Variants in POC1B observed in about 807,000 individuals in gnomAD.
The protein encoded by POC1B is POC1 centriolar protein B, also known as POC1 centriolar protein homolog B.
Under a neutral mutation model 60.6 loss-of-function variants are expected in POC1B, and 44 were observed. The ratio of observed to expected loss-of-function variants is 0.73; its 90% CI spans 0.57 to 0.93. The LOEUF (loss-of-function observed/expected upper bound fraction) is 0.93. Ranked by LOEUF, POC1B falls within the 40% of genes least tolerant of loss-of-function variation. POC1B has a pLI of 0.00. For synonymous variants in POC1B, 180 were observed against 198.9 expected, an observed-to-expected ratio of 0.90 and a Z score of 0.80; for missense variants, 555 against 572.3, an observed-to-expected ratio of 0.97 and a Z score of 0.31.
At chr12:89,522,592 TAA>T in intron 2 of POC1B, 1 of 443,068 alleles carries the variant, frequency 2.3e-6, no homozygotes, top group East Asian at 3.6e-5. Context: ...AACTCTTATA[TAA>T]AACAACCAAT....
rs1010399976 is a variant in POC1B, at chr12:89,492,027, A to C, written c.361T>G (p.Ser121Ala). 5 of 1,609,960 alleles carry C rather than the reference A, an allele frequency of 3.1e-6. No individual in the cohort carries two copies. The highest frequency in any genetic ancestry group is 1.6e-4 in the Middle Eastern group (1 of 6,072). Reference sequence around the variant, plus strand: ...CATACTTTTATGGATTTGTCTTCAGAAGCTGTAGCTAGAAACTGGCCATCA... The same window carrying C: ...CATACTTTTATGGATTTGTCTTCAGCAGCTGTAGCTAGAAACTGGCCATCA... The part of the protein sequence containing the change: ...SADGQFLATA[S>A]EDKSIKVWSM... The change falls in exon 4 of 12, where the codon TCT becomes GCT. Residue 121 changes from serine (S) to alanine (A), a missense_variant. By Grantham distance (99) the Ser-to-Ala change is moderately conservative. Transcript: ENST00000313546.
At chr12:89,494,481 C>T (rs1394354563) in intron 3 of POC1B, among the ~76,000 whole-genome samples, 1 of 152,150 alleles carries the variant, frequency 6.6e-6, no homozygotes, top group Non-Finnish European at 1.5e-5. Context: ...GTTTATTTCC[C>T]CTCCCTTTGA....
chr12:89,470,655 T>A (rs10777167), intron 6 of POC1B, among the ~76,000 whole-genome samples, 161 bp from the exon 7 acceptor site: 111,077 of 152,128 alleles, frequency 0.73, 40,689 homozygotes, highest in Middle Eastern at 0.82. Context: ...ATCACATAGC[T>A]CTAAGCTTCC....
At chr12:89,463,240 A>G (rs1882542928) in intron 9 of POC1B, among the ~76,000 whole-genome samples, 1 of 152,234 alleles carries the variant, frequency 6.6e-6, no homozygotes, top group East Asian at 1.9e-4. Flanking sequence ...CCATCAGAAC[A>G]TTATTTTATT....
At chr12:89,441,833 G>GA (rs1235601339) in intron 10 of POC1B, among the ~76,000 whole-genome samples, 1 of 152,208 alleles carries the variant, frequency 6.6e-6, no homozygotes, top group Non-Finnish European at 1.5e-5. Flanking sequence ...CTGAGCTAAA[G>GA]AAAGATGTTC....
chr12:89,498,151 T>C (rs1218805095), intron 2 of POC1B, among the ~76,000 whole-genome samples: 1 of 152,224 alleles, frequency 6.6e-6, no homozygotes, highest in African/African-American at 2.4e-5. Flanking sequence ...AATAATACTT[T>C]TATAGCTGGA....
intron 2 of POC1B, chr12:89,521,381 G>A (rs1870853978): frequency 6.6e-6 from 1 of 152,278 alleles, no homozygotes; most frequent in Non-Finnish European, 1.5e-5. Flanking sequence ...GGGATTACAT[G>A]CGTGAGCCAC....
In POC1B at chr12:89,491,975, T is replaced by C. The variant is rs1001168840; in HGVS notation, c.413A>G (p.Tyr138Cys). Residue 138 changes from tyrosine to cysteine, a missense_variant, in exon 4 of 12, where the codon TAT becomes TGT. Tyr to Cys is a radical substitution (Grantham distance 194). Transcript: ENST00000313546. The stretch of plus-strand genomic sequence containing the variant: ...CCAGTGTGTATGTCGATACAAGGAA[T>C]ACAGGAAGCGCTGGCGATACATGCT... Reference protein sequence around the residue: ...VWSMYRQRFLYSLYRHTHWVR... With the variant: ...VWSMYRQRFLCSLYRHTHWVR... 5 of 1,591,234 alleles carry C rather than the reference T, an allele frequency of 3.1e-6. No homozygotes were observed. The highest frequency in any genetic ancestry group is 4.3e-6 in the Non-Finnish European group (5 of 1,172,622).
At chr12:89,454,641 C>T (rs1882180884) in intron 10 of POC1B, among the ~76,000 whole-genome samples, 1 of 152,164 alleles carries the variant, frequency 6.6e-6, no homozygotes, top group Admixed American at 6.5e-5. Context: ...TACTCAAATG[C>T]CACCCCTGTC....
At chr12:89,440,964 T>C (rs919900186) in intron 10 of POC1B, among the ~76,000 whole-genome samples, 1 of 152,242 alleles carries the variant, frequency 6.6e-6, no homozygotes, top group African/African-American at 2.4e-5. Flanking sequence ...ACCAGGAGAT[T>C]ATATCCTGCA....
intron 9 of POC1B, among the ~76,000 whole-genome samples, chr12:89,463,054 T>A (rs534470970): frequency 6.6e-6 from 1 of 152,268 alleles, no homozygotes; most frequent in South Asian, 2.1e-4. Context: ...ACTTAAAAAC[T>A]TAAATTGATC....
the POC1B span, among the ~76,000 whole-genome samples, chr12:89,408,310 G>C: frequency 0.044 from 6,756 of 152,116 alleles, 422 homozygotes; most frequent in East Asian, 0.12. Flanking sequence ...ATAATCCTGT[G>C]GGTATATACC....
chr12:89,525,534 G>A, intron 1 of POC1B: 1 of 1,300,590 alleles, frequency 7.7e-7, no homozygotes, highest in South Asian at 2.4e-5. Flanking sequence ...GTGCGAGGAT[G>A]CGCCTCGGCT....
intron 4 of POC1B, among the ~76,000 whole-genome samples, chr12:89,481,298 T>C (rs1318257096): frequency 1.3e-5 from 2 of 152,218 alleles, no homozygotes; most frequent in South Asian, 2.1e-4. Flanking sequence ...CATGGGGTAG[T>C]AAAGGTTATC....
chr12:89,427,431 G>A (rs1443948502), intron 10 of POC1B: 1 of 152,190 alleles, frequency 6.6e-6, no homozygotes, highest in East Asian at 1.9e-4. Context: ...AGTGGTTCAT[G>A]CCTGTAATCC....
chr12:89,519,062 T>C (rs945055772), intron 2 of POC1B, among the ~76,000 whole-genome samples: 1 of 152,202 alleles, frequency 6.6e-6, no homozygotes, highest in East Asian at 1.9e-4. Flanking sequence ...TATGAGGATA[T>C]GTGGTTTAGA....
In POC1B at chr12:89,425,258, T is replaced by C; in HGVS notation, c.1235A>G (p.Asp412Gly). 1 of 1,614,132 alleles carries C rather than the reference T, an allele frequency of 6.2e-7. No homozygotes were observed. The highest frequency in any genetic ancestry group is 8.5e-7 in the Non-Finnish European group (1 of 1,180,002). ...ACTTTCACAGGGGAGGTCACTCATG[T>C]CTTCTGTTTTCTTTTTCGTGGTTGT... Reference protein sequence around the residue: ...LPTTTKKKTEDMSDLPCESQR... With the variant: ...LPTTTKKKTEGMSDLPCESQR... Residue 412 changes from aspartate to glycine, a missense_variant, in exon 11 of 12, where the codon GAC becomes GGC. Coordinates refer to ENST00000313546, the MANE Select transcript of POC1B (RefSeq NM_172240.3).
chr12:89,523,473 G>A (rs571369617), intron 2 of POC1B: 10 of 1,613,766 alleles, frequency 6.2e-6, no homozygotes, highest in East Asian at 4.5e-5. Flanking sequence ...CATGGCCCAC[G>A]TGGGAACACG....
At chr12:89,520,574 T>TA (rs1340503759) in intron 2 of POC1B, 3 of 152,226 alleles carry the variant, frequency 2.0e-5, no homozygotes, top group Admixed American at 6.5e-5. Context: ...AATTTTTTGA[T>TA]AAACTTTAAG....
Sources: gnomAD v4.1 joint callset for allele counts (sites outside exome capture counted in the v4.1 genomes callset) on GRCh38, gnomAD v4.1.1 for gene constraint, MANE v1.5 for transcripts, NCBI Gene and HGNC (gene_info 2026-07-23, HGNC 2026-07-21) for gene names.